The following ARHGEF5 variants were observed in gnomAD, a reference collection of about 807,000 sequenced individuals.
The protein encoded by ARHGEF5 is Rho guanine nucleotide exchange factor 5.
A neutral mutation model predicts 104.0 loss-of-function variants in ARHGEF5; 11 were observed. That is an observed-to-expected ratio of 0.11 (90% confidence interval 0.07 to 0.18). ARHGEF5 has a LOEUF of 0.18. ARHGEF5 is among the 10% of genes least tolerant of loss of function. The pLI is 1.00. For synonymous variants in ARHGEF5, 60 were observed against 512.2 expected, an observed-to-expected ratio of 0.12 and a Z score of 11.92; for missense variants, 165 against 1,335.4, an observed-to-expected ratio of 0.12 and a Z score of 13.66.
chr7:144,359,700 A>C (rs1446100055), intron 1 of ARHGEF5, among the ~76,000 whole-genome samples: 2 of 105,460 alleles, frequency 1.9e-5, no homozygotes, highest in East Asian at 6.9e-4. Context: ...GGATGGGGGC[A>C]GGGACAGATG....
At chr7:144,373,621 G>A (rs1330121856) in intron 10 of ARHGEF5, among the ~76,000 whole-genome samples, 21 of 111,352 alleles carry the variant, frequency 1.9e-4, no homozygotes, top group African/African-American at 6.3e-4. Context: ...CTGAGGACAA[G>A]GGGGGTGCAT....
chr7:144,366,553 AAG>A (rs2053698340), intron 3 of ARHGEF5, 141 bp downstream of exon 3: 4 of 512,898 alleles, frequency 7.8e-6, no homozygotes, highest in African/African-American at 7.4e-5. Context: ...TAAGGAGGAG[AAG>A]AGAGAGATGC....
At position 144,360,996 on chromosome 7, in the gene ARHGEF5, G is replaced by A. The variant is rs528058150; in HGVS notation, c.-12-1662G>A. Among the ~76,000 whole-genome samples the A allele has an allele frequency of 1.6e-4, 23 of 145,726 alleles. 1 individual carries two copies. The East Asian group carries it at 2.4e-3, about 15-fold the overall frequency. Reference sequence around the variant, plus strand: ...TATAATCACAACACTTCGGGAGGCCGAGGCGGGTGGATAACGAGGTCAGGA... The same window carrying A: ...TATAATCACAACACTTCGGGAGGCCAAGGCGGGTGGATAACGAGGTCAGGA... On this transcript the variant is annotated intron_variant, in intron 1 of 14. Transcript: ENST00000056217.
intron 13 of ARHGEF5, among the ~76,000 whole-genome samples, chr7:144,377,426 C>T (rs866493245): frequency 6.6e-6 from 1 of 152,154 alleles, no homozygotes; most frequent in Non-Finnish European, 1.5e-5. Context: ...CAATAGTTTG[C>T]TCTTTTTAAA....
intron 1 of ARHGEF5, among the ~76,000 whole-genome samples, chr7:144,358,758 AGTGTGT>A (rs71222348): frequency 0.05 from 4,498 of 90,496 alleles, 291 homozygotes; most frequent in African/African-American, 0.077. Flanking sequence ...AGGATGGCTC[AGTGTGT>A]GTGTGTGTGT....
Position 144,375,613 on chromosome 7 carries a change from ACT to A in ARHGEF5, c.4401_4402del (p.Phe1468SerfsTer21). On this transcript the variant is annotated frameshift_variant, in exon 12 of 15. Transcript: ENST00000056217. LOFTEE classifies it high-confidence loss of function. ...LHGPHKNLFRLFLRQNTQGAQ... is the reference protein window; with the variant it reads ...LHGPHKNLFRXFLRQNTQGAQ... ...ATGGACCTCACAAAAACCTGTTCCG[ACT>A]CTTTCTGCGGCAGAACACTCAGGGC... 1 of 852,122 alleles carries A rather than the reference ACT, an allele frequency of 1.2e-6. No individual in the cohort carries two copies. The highest frequency in any genetic ancestry group is 1.8e-6 in the Non-Finnish European group (1 of 554,470). 52.8% of individuals were successfully genotyped at this position (852,122 alleles called of 1,614,324 possible). A position where few individuals can be genotyped will look rare whatever the true frequency, so the allele number is the denominator to read the frequency against.
At chr7:144,379,855 G>C (rs1240909913) in intron 14 of ARHGEF5, 44 bp from the exon 15 acceptor site, 1 of 1,611,830 alleles carries the variant, frequency 6.2e-7, no homozygotes, top group South Asian at 1.1e-5. Flanking sequence ...AAGCTATCGT[G>C]AGCCTTTCCC....
intron 14 of ARHGEF5, 47 bp from the exon 15 acceptor site, chr7:144,379,852 C>A (rs761964227): frequency 1.2e-6 from 2 of 1,610,514 alleles, no homozygotes; most frequent in South Asian, 2.2e-5. Flanking sequence ...GAGAAGCTAT[C>A]GTGAGCCTTT....
chr7:144,361,174 C>T (rs2053635963), intron 1 of ARHGEF5, among the ~76,000 whole-genome samples: 1 of 136,886 alleles, frequency 7.3e-6, no homozygotes, highest in East Asian at 2.2e-4. Flanking sequence ...TTGCAATGAC[C>T]CAAGATTGCA....
At chr7:144,378,544 C>G (rs2053777398) in intron 13 of ARHGEF5, among the ~76,000 whole-genome samples, 1 of 152,292 alleles carries the variant, frequency 6.6e-6, no homozygotes, top group African/African-American at 2.4e-5. Context: ...TATTTCTCAA[C>G]CCGTCTCCTC....
At chr7:144,379,686 C>G (rs1456288619) in intron 14 of ARHGEF5, among the ~76,000 whole-genome samples, 1 of 152,160 alleles carries the variant, frequency 6.6e-6, no homozygotes, top group Non-Finnish European at 1.5e-5. Context: ...GGACACGATG[C>G]AACCATAACA....
At position 144,373,264 on chromosome 7, in the gene ARHGEF5, A is replaced by T. The variant is rs757965348; in HGVS notation, c.4120A>T (p.Lys1374Ter). The T allele has an allele frequency of 6.9e-7, 1 of 1,450,850 alleles. No homozygotes were observed. Among genetic ancestry groups the T allele is most frequent in the African/African-American group, 1.6e-5 (1 of 60,664 alleles). 89.9% of individuals were successfully genotyped at this position (1,450,850 alleles called of 1,614,324 possible). The change falls in exon 10 of 15, where the codon AAG (lysine) becomes TAG (stop). Residue 1374 changes from lysine to a stop codon, truncating the protein, a stop_gained. Coordinates refer to ENST00000056217, the MANE Select transcript of ARHGEF5 (RefSeq NM_005435.4). LOFTEE classifies it high-confidence loss of function. ...AGAGGAACTAATCTACCTGAGCCAGAAGATTGAGTTTGAGTGCAAAGTGAG... is the reference window on the plus strand; with the variant it reads ...AGAGGAACTAATCTACCTGAGCCAGTAGATTGAGTTTGAGTGCAAAGTGAG... ...RTEELIYLSQ[K>*]IEFECKIFPL...
intron 1 of ARHGEF5, among the ~76,000 whole-genome samples, chr7:144,359,839 G>A (rs1453928021): frequency 2.8e-5 from 4 of 142,910 alleles, no homozygotes; most frequent in Admixed American, 1.4e-4. Context: ...GCTAGAACTG[G>A]TGCTTTTGAA....
rs1196770893 is a variant in ARHGEF5 at position 144,380,287 on chromosome 7, T to TA, written c.*238dup. On this transcript the variant is annotated 3_prime_UTR_variant, in exon 15 of 15. Coordinates refer to ENST00000056217, the MANE Select transcript of ARHGEF5 (RefSeq NM_005435.4). ...CTGGACTCTGGGAACCTTTCATCAT[T>TA]AAAAAAAGGGGGACCATTGGGGCCT... 1.5e-5 allele frequency: 7 copies of TA among 472,768 alleles called. No individual in the cohort carries two copies. Among genetic ancestry groups the TA allele is most frequent in the East Asian group, 3.5e-5 (1 of 28,292 alleles). The allele number at this position is 472,768 out of a possible 1,614,324, so 29.3% of individuals were successfully genotyped here. A position where few individuals can be genotyped will look rare whatever the true frequency, so the allele number is the denominator to read the frequency against.
rs1013497966 is a variant in ARHGEF5 at position 144,380,266 on chromosome 7, A to T, written c.*210A>T. On this transcript the variant is annotated 3_prime_UTR_variant, in exon 15 of 15. Coordinates refer to ENST00000056217, the MANE Select transcript of ARHGEF5 (RefSeq NM_005435.4). ...GGGATTTCGAGGGACTTTGCACTGG[A>T]CTCTGGGAACCTTTCATCATTAAAA... 3 of 540,624 alleles carry T rather than the reference A, an allele frequency of 5.5e-6. No individual in the cohort carries two copies. In the African/African-American group the frequency reaches 5.7e-5, roughly 10 times the overall value. The allele number at this position is 540,624 out of a possible 1,614,324, so 33.5% of individuals were successfully genotyped here.
chr7:144,379,782 T>G (rs977492563), intron 14 of ARHGEF5, 117 bp from the exon 15 acceptor site: 9 of 1,375,716 alleles, frequency 6.5e-6, no homozygotes, highest in Admixed American at 1.9e-5. Context: ...GGGTTTATGC[T>G]GGAGGCTCCC....
rs1366058195 is a variant in ARHGEF5, at chr7:144,360,911, G to A, written c.-12-1747G>A. On this transcript the variant is annotated intron_variant, in intron 1 of 14. Transcript: ENST00000056217. ...AATTATAGTTGGTAAGTGCTACAAA[G>A]AGGGGTACAATTTAACCTAGTTAAA... Among the ~76,000 whole-genome samples the A allele has an allele frequency of 1.0e-4, 15 of 145,958 alleles. 3 individuals carry two copies. The highest frequency in any genetic ancestry group is 6.1e-5 in the Non-Finnish European group (4 of 65,346).
At position 144,373,992 on chromosome 7, in the gene ARHGEF5, C is replaced by T. The variant is rs2053742169; in HGVS notation, c.4140+708C>T. Among the ~76,000 whole-genome samples the T allele has an allele frequency of 2.7e-5, 3 of 110,626 alleles. No homozygotes were observed. In the South Asian group the frequency reaches 1.0e-3, roughly 38 times the overall value. 72.6% of individuals were successfully genotyped at this position (110,626 alleles called of 152,430 possible). A position where few individuals can be genotyped will look rare whatever the true frequency, so the allele number is the denominator to read the frequency against. On this transcript the variant is annotated intron_variant, in intron 10 of 14. Coordinates refer to ENST00000056217, the MANE Select transcript of ARHGEF5 (RefSeq NM_005435.4). ...GAGTAGCTGGGATTCCAGGTCTGCA[C>T]CACCATGTCTGGCTAATTTTAGTAT... is the stretch of plus-strand genomic sequence containing the variant.
At chr7:144,358,758 A>AGTGTGTGT (rs71222348) in intron 1 of ARHGEF5, among the ~76,000 whole-genome samples, 187 of 90,660 alleles carry the variant, frequency 2.1e-3, no homozygotes, top group Non-Finnish European at 3.0e-3. Context: ...AGGATGGCTC[A>AGTGTGTGT]GTGTGTGTGT....
Sources: gnomAD v4.1 joint callset for allele counts (sites outside exome capture counted in the v4.1 genomes callset) on GRCh38, gnomAD v4.1.1 for gene constraint, MANE v1.5 for transcripts, NCBI Gene and HGNC (gene_info 2026-07-23, HGNC 2026-07-21) for gene names.